Variants in SLC1A3 observed in about 807,000 individuals in gnomAD.
SLC1A3 encodes solute carrier family 1 member 3.
In SLC1A3, 21 loss-of-function variants were observed where a neutral mutation model predicts 48.1. The ratio of observed to expected loss-of-function variants is 0.44; its 90% CI spans 0.31 to 0.63. The LOEUF is 0.63. SLC1A3 is among the 20% of genes least tolerant of loss of function. The pLI is 0.08. For missense variants in SLC1A3, 546 were observed against 689.0 expected (o/e 0.79, Z 2.32); for synonymous variants, 239 against 251.4 (o/e 0.95, Z 0.47).
chr5:36,643,672 T>C (rs1461195299), intron 3 of SLC1A3, among the ~76,000 whole-genome samples: 1 of 152,182 alleles, frequency 6.6e-6, no homozygotes, highest in Non-Finnish European at 1.5e-5. Context: ...ACACCTGCTC[T>C]AAATAAGCAC....
chr5:36,648,999 A>G (rs1740946416), intron 3 of SLC1A3, among the ~76,000 whole-genome samples: 3 of 152,232 alleles, frequency 2.0e-5, no homozygotes, highest in Admixed American at 1.3e-4. Context: ...TGTAAAAGTC[A>G]CACATCTACC....
intron 3 of SLC1A3, among the ~76,000 whole-genome samples, chr5:36,658,895 A>C (rs987798185): frequency 2.0e-5 from 3 of 152,194 alleles, no homozygotes; most frequent in African/African-American, 7.2e-5. Flanking sequence ...ATGACTCTCC[A>C]GTTCAATGAG....
chr5:36,668,969 G>C (rs533645959), intron 3 of SLC1A3: 2 of 152,242 alleles, frequency 1.3e-5, no homozygotes, highest in African/African-American at 4.8e-5. Flanking sequence ...AGAATAGTGG[G>C]CAGGAGCATC....
chr5:36,685,956 G>A (rs985015231), intron 9 of SLC1A3, 109 bp from the exon 10 acceptor site: 24 of 811,538 alleles, frequency 3.0e-5, no homozygotes, highest in Non-Finnish European at 5.0e-5. Context: ...TGGTAGATAC[G>A]GCGAACTGAA....
In SLC1A3 at chr5:36,671,158, G is replaced by A. The variant is rs1290549207; in HGVS notation, c.449G>A (p.Gly150Asp). 1 of 1,613,858 alleles carries A rather than the reference G, an allele frequency of 6.2e-7. No homozygotes were observed. The highest frequency in any genetic ancestry group is 8.5e-7 in the Non-Finnish European group (1 of 1,179,766). ...IIVIIIHPGK[G>D]TKENMHREGK... ...GTCATCATCATCCATCCTGGGAAGG[G>A]CACAAAGGAAAACATGCACAGAGAA... The change falls in exon 4 of 10, where the codon GGC becomes GAC. Residue 150 changes from glycine (G) to aspartate (D), a missense_variant. Around this residue, in one of 3 missense-constraint regions of SLC1A3, gnomAD observed 348 missense variants for 392.0 expected, o/e 0.89. Transcript: ENST00000265113.
chr5:36,607,633 T>C (rs1739006854), intron 1 of SLC1A3, among the ~76,000 whole-genome samples: 1 of 152,354 alleles, frequency 6.6e-6, no homozygotes, highest in African/African-American at 2.4e-5. Context: ...CTACTTGTGA[T>C]AAACGAAGCT....
chr5:36,674,492 A>T (rs924327524), intron 5 of SLC1A3, among the ~76,000 whole-genome samples: 5 of 122,748 alleles, frequency 4.1e-5, no homozygotes, highest in African/African-American at 1.8e-4. Flanking sequence ...TGATTTAAAT[A>T]TCAATGGACT....
chr5:36,684,532 A>G (rs1441414849), intron 9 of SLC1A3, among the ~76,000 whole-genome samples: 1 of 152,168 alleles, frequency 6.6e-6, no homozygotes, highest in African/African-American at 2.4e-5. Flanking sequence ...TGCCCTCCAC[A>G]TTCTCAAACT....
At chr5:36,606,125 A>T (rs1215593296), upstream of SLC1A3, among the ~76,000 whole-genome samples, 3 of 152,076 alleles carry the variant, frequency 2.0e-5, no homozygotes, top group East Asian at 3.8e-4. Flanking sequence ...AGTAAGCATT[A>T]TTTTTTTTCT....
chr5:36,650,338 G>C (rs77922630), intron 3 of SLC1A3, among the ~76,000 whole-genome samples: 2 of 152,174 alleles, frequency 1.3e-5, no homozygotes, highest in Non-Finnish European at 2.9e-5. Flanking sequence ...ATTATCACTT[G>C]TTAAAACATA....
Position 36,676,926 on chromosome 5 carries a change from T to A in SLC1A3, c.602T>A (p.Val201Glu), listed in dbSNP as rs967451482. Residue 201 changes from valine (V) to glutamate (E), a missense_variant, in exon 6 of 10, where the codon GTG becomes GAG. By Grantham distance (121) the Val-to-Glu change is moderately radical. Coordinates refer to ENST00000265113, the MANE Select transcript of SLC1A3 (RefSeq NM_004172.5). The stretch of plus-strand genomic sequence containing the variant: ...AACTATGAGAAGAGAAGCTTTAAAG[T>A]GCCCATCCAGGCCAACGAAACGCTT... ...KTNYEKRSFK[V>E]PIQANETLVG... The A allele has an allele frequency of 6.2e-7, 1 of 1,613,958 alleles. No homozygotes were observed. Among genetic ancestry groups the A allele is most frequent in the Non-Finnish European group, 8.5e-7 (1 of 1,179,882 alleles).
intron 2 of SLC1A3, among the ~76,000 whole-genome samples, chr5:36,621,711 G>A (rs775348084): frequency 7.9e-5 from 12 of 152,172 alleles, no homozygotes; most frequent in Non-Finnish European, 1.5e-4. Flanking sequence ...CTAGAATCTC[G>A]ACATCATTAA....
chr5:36,608,993 AC>A, intron 2 of SLC1A3: 1 of 1,000,216 alleles, frequency 1.0e-6, no homozygotes, highest in African/African-American at 1.7e-5. Context: ...CAATTAGTAC[AC>A]CTAAAATGAC....
intron 2 of SLC1A3, chr5:36,612,673 T>A (rs1483074418): frequency 2.6e-6 from 1 of 379,884 alleles, no homozygotes; most frequent in Non-Finnish European, 5.3e-6. Context: ...CTATTGTGTT[T>A]AAGTGTATTA....
At chr5:36,642,901 T>A (rs1740677226) in intron 3 of SLC1A3, among the ~76,000 whole-genome samples, 1 of 152,228 alleles carries the variant, frequency 6.6e-6, no homozygotes, top group Non-Finnish European at 1.5e-5. Flanking sequence ...ACTTCGTTCC[T>A]TTTTATAGCT....
At chr5:36,664,038 A>G (rs959962797) in intron 3 of SLC1A3, among the ~76,000 whole-genome samples, 2 of 152,238 alleles carry the variant, frequency 1.3e-5, no homozygotes, top group African/African-American at 2.4e-5. Context: ...TAGTGAGATG[A>G]AGCAAGTTCT....
At chr5:36,630,382 T>C (rs1161116798) in intron 3 of SLC1A3, 1 of 152,222 alleles carries the variant, frequency 6.6e-6, no homozygotes, top group Non-Finnish European at 1.5e-5. Context: ...TTACTGTACA[T>C]TCCTTCCTGC....
At chr5:36,614,660 T>C (rs1739358448) in intron 2 of SLC1A3, among the ~76,000 whole-genome samples, 2 of 152,280 alleles carry the variant, frequency 1.3e-5, no homozygotes, top group South Asian at 4.2e-4. Context: ...GTAAGTGTTG[T>C]AATACACTCA....
At chr5:36,684,093 C>G in intron 9 of SLC1A3, 95 bp downstream of exon 9, 2 of 1,487,284 alleles carry the variant, frequency 1.3e-6, no homozygotes, top group African/African-American at 2.8e-5. Context: ...ACAGAAAGAA[C>G]TCTGAGGAGA....
Sources: allele counts gnomAD v4.1 joint callset (sites outside exome capture counted in the v4.1 genomes callset), GRCh38; gene constraint gnomAD v4.1.1; regional missense constraint gnomAD v4.1.1; transcripts MANE v1.5; gene names NCBI Gene and HGNC (gene_info 2026-07-23, HGNC 2026-07-21).